The following DCAF7 variants were observed in gnomAD, a reference collection of about 807,000 sequenced individuals.
DCAF7 encodes the protein DDB1- and CUL4-associated factor 7.
In DCAF7, 4 loss-of-function variants were observed where a neutral mutation model predicts 41.2. That is an observed-to-expected ratio of 0.10 (90% CI 0.05 to 0.22). The LOEUF (loss-of-function observed/expected upper bound fraction) is 0.22, where lower values mean the gene tolerates loss of function less well. DCAF7 is among the 10% of genes least tolerant of loss of function. The pLI, the probability that DCAF7 is intolerant of heterozygous loss-of-function variation, is 1.00. For missense variants in DCAF7, 131 were observed against 443.2 expected (o/e 0.30, Z 6.32); for synonymous variants, 143 against 164.2 (o/e 0.87, Z 0.99).
rs370491845 is a variant in DCAF7 at position 63,588,980 on chromosome 17, C to T, written c.857-20C>T. On this transcript the variant is annotated intron_variant, in intron 6 of 6. Coordinates refer to ENST00000614556, the MANE Select transcript of DCAF7 (RefSeq NM_005828.5). ...ATTGCCTCACTTGTGACCTTGCTTG[C>T]TGGCTTTCTTTGTCCCTAGCGGATG... The T allele has an allele frequency of 6.9e-6, 11 of 1,594,134 alleles. No homozygotes were observed. In the African/African-American group the frequency reaches 1.5e-4, roughly 21 times the overall value.
chr17:63,559,771 C>T (rs908917299), intron 1 of DCAF7, among the ~76,000 whole-genome samples: 1 of 151,934 alleles, frequency 6.6e-6, no homozygotes, highest in Non-Finnish European at 1.5e-5. Flanking sequence ...CATTGCACTC[C>T]AGCCTGGGCA....
At chr17:63,571,532 T>TG (rs929771429) in intron 1 of DCAF7, among the ~76,000 whole-genome samples, 65 of 150,394 alleles carry the variant, frequency 4.3e-4, no homozygotes, top group Non-Finnish European at 8.1e-4. Context: ...TTTTTGTGTG[T>TG]GGGGGGGCAG....
At chr17:63,551,783 A>G (rs2033257422) in intron 1 of DCAF7, among the ~76,000 whole-genome samples, 1 of 151,444 alleles carries the variant, frequency 6.6e-6, no homozygotes, top group Admixed American at 6.6e-5. Flanking sequence ...GCGGTGGCTC[A>G]CGCCTGTAAT....
chr17:63,589,606 T>G lies in DCAF7; in HGVS notation c.*434T>G. 4.7e-6 allele frequency: 1 copy of G among 214,988 alleles called. No homozygotes were observed. The highest frequency in any genetic ancestry group is 6.4e-5 in the South Asian group (1 of 15,730). The allele number at this position is 214,988 out of a possible 1,614,324, so 13.3% of individuals were successfully genotyped here. ...ACTTACGTGGGAACAAATACCAATT[T>G]GTCTTTTCTCCTAGTATCAGTGTGT... On this transcript the variant is annotated 3_prime_UTR_variant, in exon 7 of 7. Coordinates refer to ENST00000614556, the MANE Select transcript of DCAF7 (RefSeq NM_005828.5).
At chr17:63,559,403 ATATATGTATATATATACG>A (rs1394779369) in intron 1 of DCAF7, among the ~76,000 whole-genome samples, 6 of 95,302 alleles carry the variant, frequency 6.3e-5, no homozygotes, top group African/African-American at 4.0e-4. Context: ...ATATATGTAT[ATATATGTATATATATACG>A]TATATATATA....
intron 1 of DCAF7, among the ~76,000 whole-genome samples, chr17:63,567,182 A>C (rs945190185): frequency 6.6e-6 from 1 of 152,184 alleles, no homozygotes; most frequent in Non-Finnish European, 1.5e-5. Flanking sequence ...CACACCAAAT[A>C]GCATCAGTAA....
At chr17:63,567,457 G>A (rs1439826910) in intron 1 of DCAF7, among the ~76,000 whole-genome samples, 3 of 152,270 alleles carry the variant, frequency 2.0e-5, no homozygotes, top group African/African-American at 7.2e-5. Flanking sequence ...GAGAAACTAG[G>A]CTGTGTGATT....
rs145156377 is a variant in DCAF7, at chr17:63,567,073, G to A, written c.139-11397G>A. ...CCCTTCTCAGTCTCCCAAAGTGCTG[G>A]GATTACAGGTGTGAGCCACTGCACC... is the stretch of plus-strand genomic sequence containing the variant. On this transcript the variant is annotated intron_variant, in intron 1 of 6. Coordinates refer to ENST00000614556, the MANE Select transcript of DCAF7 (RefSeq NM_005828.5). Among the ~76,000 whole-genome samples, 812 of 151,974 alleles carry A rather than the reference G, an allele frequency of 5.3e-3. 11 individuals carry two copies. Among genetic ancestry groups the A allele is most frequent in the African/African-American group, 0.019 (770 of 41,432 alleles).
intron 2 of DCAF7, among the ~76,000 whole-genome samples, 165 bp from the exon 3 acceptor site, chr17:63,579,172 G>C (rs565420513): frequency 6.6e-6 from 1 of 152,300 alleles, no homozygotes; most frequent in East Asian, 1.9e-4. Flanking sequence ...GAAAGTATGG[G>C]AAAAAGTAGC....
At chr17:63,588,866 G>A (rs113392639) in intron 6 of DCAF7, 134 bp from the exon 7 acceptor site, 12 of 966,846 alleles carry the variant, frequency 1.2e-5, no homozygotes, top group Admixed American at 2.9e-5. Flanking sequence ...TTTCCTCATC[G>A]ATAAAATGGG....
chr17:63,556,989 C>T (rs897961914), intron 1 of DCAF7, among the ~76,000 whole-genome samples: 2 of 152,170 alleles, frequency 1.3e-5, no homozygotes, highest in African/African-American at 4.8e-5. Context: ...GATCTTGCCA[C>T]TGAACTCCCG....
chr17:63,553,106 G>T (rs532011503), intron 1 of DCAF7, among the ~76,000 whole-genome samples: 1 of 152,240 alleles, frequency 6.6e-6, no homozygotes, highest in South Asian at 2.1e-4. Flanking sequence ...CACTTATGTT[G>T]CACTACAGAT....
intron 6 of DCAF7, 102 bp from the exon 7 acceptor site, chr17:63,588,898 C>G (rs923885097): frequency 1.6e-6 from 2 of 1,278,654 alleles, no homozygotes; most frequent in East Asian, 5.1e-5. Flanking sequence ...GAACCGCCAT[C>G]ACGGGGGTGC....
At chr17:63,584,667 C>T (rs1025247608) in intron 5 of DCAF7, among the ~76,000 whole-genome samples, 6 of 152,174 alleles carry the variant, frequency 3.9e-5, no homozygotes, top group African/African-American at 1.4e-4. Context: ...GAGGCTGAGG[C>T]AGGAGAATAG....
At chr17:63,567,102 C>T (rs908783255) in intron 1 of DCAF7, among the ~76,000 whole-genome samples, 6 of 152,012 alleles carry the variant, frequency 3.9e-5, no homozygotes, top group African/African-American at 1.4e-4. Context: ...CTGCACCTAG[C>T]ACCTATTTAT....
intron 1 of DCAF7, among the ~76,000 whole-genome samples, chr17:63,566,409 C>A (rs567191770): frequency 1.2e-4 from 18 of 151,396 alleles, no homozygotes; most frequent in African/African-American, 4.4e-4. Context: ...TAGAATCTGT[C>A]CAATAAAAAC....
intron 1 of DCAF7, among the ~76,000 whole-genome samples, chr17:63,555,143 T>C (rs12449627): frequency 0.019 from 2,967 of 152,356 alleles, 82 homozygotes; most frequent in African/African-American, 0.062. Context: ...CCCTCTTTTA[T>C]TGGGAAAAGC....
Position 63,589,230 on chromosome 17 carries a change from C to A in DCAF7, c.*58C>A. On this transcript the variant is annotated 3_prime_UTR_variant, in exon 7 of 7. Transcript: ENST00000614556. ...TTTTGTATTTCCTGCCTCTGCCCCA[C>A]CCCCAAAGTAAGAAGAAACATGTTT... 1.9e-6 allele frequency: 3 copies of A among 1,596,900 alleles called. No homozygotes were observed. The highest frequency in any genetic ancestry group is 2.6e-6 in the Non-Finnish European group (3 of 1,170,190).
chr17:63,586,125 CAAAAAAAAAAAAAA>C (rs545840925), intron 6 of DCAF7, among the ~76,000 whole-genome samples: 1 of 58,444 alleles, frequency 1.7e-5, no homozygotes, highest in South Asian at 6.7e-4. Flanking sequence ...ACTCTGTCTC[CAAAAAAAAAAAAAA>C]AAAAAAAAAA....
Sources: gnomAD v4.1 joint callset for allele counts (sites outside exome capture counted in the v4.1 genomes callset) on GRCh38, gnomAD v4.1.1 for gene constraint, MANE v1.5 for transcripts, NCBI Gene and HGNC (gene_info 2026-07-23, HGNC 2026-07-21) for gene names.